CDH18: variants seen among roughly 807,000 people sequenced by gnomAD.
CDH18 encodes the protein cadherin 18, also known as cadherin-18.
In CDH18, 31 loss-of-function variants were observed where a neutral mutation model predicts 67.9. The ratio of observed to expected loss-of-function variants is 0.46; its 90% CI spans 0.34 to 0.62. The LOEUF (loss-of-function observed/expected upper bound fraction) is 0.62. CDH18 is among the 20% of genes least tolerant of loss of function. CDH18 has a pLI of 0.01. For missense variants in CDH18, 890 were observed against 975.5 expected, an observed-to-expected ratio of 0.91 and a Z score of 1.17; for synonymous variants, 362 against 347.2, an observed-to-expected ratio of 1.04 and a Z score of -0.48.
intron 1 of CDH18, among the ~76,000 whole-genome samples, chr5:20,308,982 G>T (rs56940685): frequency 0.038 from 5,747 of 152,232 alleles, 269 homozygotes; most frequent in African/African-American, 0.11. Flanking sequence ...ATTTATTTAT[G>T]TTATTTACAC....
At chr5:19,484,985 A>G (rs540765380) in intron 11 of CDH18, among the ~76,000 whole-genome samples, 2 of 151,170 alleles carry the variant, frequency 1.3e-5, no homozygotes, top group South Asian at 2.1e-4. Context: ...CTGAAAATAG[A>G]AATTGTATTT....
intron 2 of CDH18, among the ~76,000 whole-genome samples, chr5:20,008,555 G>A (rs1054618764): frequency 2.0e-5 from 3 of 152,078 alleles, no homozygotes; most frequent in African/African-American, 4.8e-5. Flanking sequence ...ATACAGTACA[G>A]AACTTTTCAT....
At position 20,076,564 on chromosome 5, in the gene CDH18, AT is replaced by A. The variant is rs1743959450; in HGVS notation, c.-517-84551del. 5.3e-5 allele frequency among the ~76,000 whole-genome samples: 8 copies of A among 152,056 alleles called. No individual in the cohort carries two copies. In the South Asian group the frequency reaches 1.7e-3, roughly 32 times the overall value. Reference sequence around the variant, plus strand: ...ATTCCCAAAAAAAAAAAGGCAGACCATATTGTGAAAGCAAGAATAACTAAAT... The same window carrying A: ...ATTCCCAAAAAAAAAAAGGCAGACCAATTGTGAAAGCAAGAATAACTAAAT... On this transcript the variant is annotated intron_variant, in intron 2 of 14. Transcript: ENST00000507958.
At chr5:20,402,839 C>T (rs573042020) in intron 1 of CDH18, among the ~76,000 whole-genome samples, 7 of 151,804 alleles carry the variant, frequency 4.6e-5, no homozygotes, top group South Asian at 2.1e-4. Context: ...ACCCGTGAGG[C>T]GGAGGTTGCA....
At chr5:20,110,567 C>A (rs1001987940) in intron 2 of CDH18, among the ~76,000 whole-genome samples, 2 of 151,964 alleles carry the variant, frequency 1.3e-5, no homozygotes, top group Non-Finnish European at 2.9e-5. Context: ...GCCAGTAATC[C>A]GAGCTACTTG....
chr5:19,500,112 CTT>C (rs933804425), intron 11 of CDH18, among the ~76,000 whole-genome samples: 1 of 151,172 alleles, frequency 6.6e-6, no homozygotes, highest in Non-Finnish European at 1.5e-5. Context: ...GTAAATGTCA[CTT>C]AACTTACATA....
At chr5:19,780,036 T>A (rs1774914111) in intron 3 of CDH18, among the ~76,000 whole-genome samples, 1 of 152,166 alleles carries the variant, frequency 6.6e-6, no homozygotes, top group South Asian at 2.1e-4. Context: ...GGCCTGTTAA[T>A]GTCTTTCCTT....
intron 2 of CDH18, among the ~76,000 whole-genome samples, chr5:20,006,771 A>T (rs1052347982): frequency 2.6e-5 from 4 of 152,010 alleles, no homozygotes; most frequent in Non-Finnish European, 5.9e-5. Flanking sequence ...AAATGTGTTT[A>T]ATACATTAAT....
At chr5:20,233,749 T>C (rs1308317659) in intron 2 of CDH18, among the ~76,000 whole-genome samples, 2 of 152,136 alleles carry the variant, frequency 1.3e-5, no homozygotes, top group African/African-American at 4.8e-5. Context: ...TATTTCATTA[T>C]GTTTTACTAA....
intron 2 of CDH18, among the ~76,000 whole-genome samples, chr5:20,134,046 T>G (rs1580319070): frequency 6.6e-6 from 1 of 152,300 alleles, no homozygotes; most frequent in East Asian, 1.9e-4. Context: ...CTTGCTTCAC[T>G]TGAACCTCTG....
At chr5:20,373,913 A>T (rs1415928802) in intron 1 of CDH18, among the ~76,000 whole-genome samples, 1 of 152,190 alleles carries the variant, frequency 6.6e-6, no homozygotes, top group Non-Finnish European at 1.5e-5. Flanking sequence ...CTTTTATAAA[A>T]TTCAGTTTAA....
At chr5:19,984,003 A>T (rs1216630387) in intron 1 of CDH18, among the ~76,000 whole-genome samples, 2 of 152,212 alleles carry the variant, frequency 1.3e-5, no homozygotes, top group Non-Finnish European at 1.5e-5. Context: ...GATGTCTTCA[A>T]CATTGAACTA....
chr5:19,774,494 T>C (rs1012593375), intron 3 of CDH18, among the ~76,000 whole-genome samples: 5 of 149,020 alleles, frequency 3.4e-5, no homozygotes, highest in African/African-American at 1.2e-4. Flanking sequence ...TAGGTAGAAA[T>C]GGAGCCCTCA....
chr5:20,009,228 T>C (rs1455673652), intron 2 of CDH18, among the ~76,000 whole-genome samples: 1 of 152,110 alleles, frequency 6.6e-6, no homozygotes, highest in Non-Finnish European at 1.5e-5. Flanking sequence ...TGGACTTACA[T>C]CTCTGATTAG....
intron 2 of CDH18, among the ~76,000 whole-genome samples, chr5:19,867,635 A>T (rs1785705345): frequency 1.1e-5 from 1 of 89,468 alleles, no homozygotes; most frequent in Admixed American, 1.3e-4. Flanking sequence ...AGAATATCAG[A>T]CTCTAAATAT....
chr5:19,933,531 G>A (rs1793931241), intron 2 of CDH18, among the ~76,000 whole-genome samples: 1 of 151,336 alleles, frequency 6.6e-6, no homozygotes, highest in Non-Finnish European at 1.5e-5. Flanking sequence ...AACTTTTGGA[G>A]TTACCTATAT....
chr5:20,571,944 TAA>T (rs1758843302), intron 1 of CDH18, among the ~76,000 whole-genome samples: 1 of 152,112 alleles, frequency 6.6e-6, no homozygotes, highest in Non-Finnish European at 1.5e-5. Flanking sequence ...AGTCCTGCAG[TAA>T]GAGAAGATCT....
chr5:19,595,347 A>G (rs1427102893), intron 6 of CDH18, among the ~76,000 whole-genome samples: 2 of 152,234 alleles, frequency 1.3e-5, no homozygotes, highest in African/African-American at 4.8e-5. Context: ...AAAAAGACAA[A>G]TAAATGGAAA....
At chr5:19,874,501 A>G (rs979551585) in intron 2 of CDH18, among the ~76,000 whole-genome samples, 1 of 152,214 alleles carries the variant, frequency 6.6e-6, no homozygotes, top group African/African-American at 2.4e-5. Flanking sequence ...GTTCAAAGAT[A>G]ACAGTGAAAT....
Sources: gnomAD v4.1 joint callset for allele counts (sites outside exome capture counted in the v4.1 genomes callset) on GRCh38, gnomAD v4.1.1 for gene constraint, MANE v1.5 for transcripts, NCBI Gene and HGNC (gene_info 2026-07-23, HGNC 2026-07-21) for gene names.